IGSF10: variants seen among roughly 807,000 people sequenced by gnomAD.
IGSF10 encodes the protein calvaria mechanical force protein 608.
Under a neutral mutation model 128.2 loss-of-function variants are expected in IGSF10, and 126 were observed. The ratio of observed to expected loss-of-function variants is 0.98; its 90% CI spans 0.85 to 1.14. The LOEUF (loss-of-function observed/expected upper bound fraction) is 1.14, where lower values mean the gene tolerates loss of function less well. IGSF10 is among the 50% of genes most tolerant of loss of function. The pLI is 0.00. For missense variants in IGSF10, 3,295 were observed against 3,149.8 expected (o/e 1.05, Z -1.10); for synonymous variants, 1,185 against 1,146.2 (o/e 1.03, Z -0.68).
the IGSF10 span, among the ~76,000 whole-genome samples, chr3:151,571,853 G>A: frequency 1.3e-5 from 2 of 152,124 alleles, no homozygotes; most frequent in African/African-American, 2.4e-5. Flanking sequence ...TATTGGCTGT[G>A]GGTTTGTCAT....
chr3:151,529,780 C>T, the IGSF10 span, among the ~76,000 whole-genome samples: 1 of 152,144 alleles, frequency 6.6e-6, no homozygotes, highest in East Asian at 1.9e-4. Context: ...CTGAAAACTC[C>T]AAAAACTAGA....
chr3:151,448,696 A>G lies in IGSF10; in HGVS notation c.1285T>C (p.Leu429=). ...EADLRADPSW[L]MQDQISLQLN... ...TGCAAGGAAATTTGGTCTTGCATTA[A>G]CCAAGAGGGATCTGCTCTGAGATCT... is the stretch of plus-strand genomic sequence containing the variant. Residue 429 remains leucine (L), a synonymous_variant, in exon 6 of 8, where the codon TTA becomes CTA. Coordinates refer to ENST00000282466, the MANE Select transcript of IGSF10 (RefSeq NM_178822.5). The G allele has an allele frequency of 6.2e-7, 1 of 1,614,102 alleles. No homozygotes were observed. Among genetic ancestry groups the G allele is most frequent in the Middle Eastern group, 1.6e-4 (1 of 6,062 alleles).
chr3:151,562,430 G>C, the IGSF10 span, among the ~76,000 whole-genome samples: 1 of 152,014 alleles, frequency 6.6e-6, no homozygotes, highest in Admixed American at 6.6e-5. Context: ...TAATAAACTT[G>C]CTTTCACTTA....
intron 7 of IGSF10, among the ~76,000 whole-genome samples, chr3:151,441,856 T>A (rs928116174): frequency 5.9e-5 from 9 of 152,110 alleles, no homozygotes; most frequent in Non-Finnish European, 1.0e-4. Context: ...GGTCAGGAGA[T>A]CAAGACCATC....
the IGSF10 span, among the ~76,000 whole-genome samples, chr3:151,482,295 TC>T: frequency 6.6e-6 from 1 of 152,222 alleles, no homozygotes; most frequent in Admixed American, 6.5e-5. Flanking sequence ...AATAGACAGT[TC>T]AATGAAACCA....
the IGSF10 span, among the ~76,000 whole-genome samples, chr3:151,562,117 T>C: frequency 5.3e-5 from 8 of 151,978 alleles, no homozygotes; most frequent in African/African-American, 1.9e-4. Flanking sequence ...AAGATACAAG[T>C]CATAAAGACC....
At chr3:151,515,009 C>A in the IGSF10 span, among the ~76,000 whole-genome samples, 1 of 152,158 alleles carries the variant, frequency 6.6e-6, no homozygotes, top group Non-Finnish European at 1.5e-5. Context: ...AACACTTTTA[C>A]ACTGTTGGTG....
chr3:151,565,307 A>T, the IGSF10 span, among the ~76,000 whole-genome samples: 1 of 152,200 alleles, frequency 6.6e-6, no homozygotes, highest in African/African-American at 2.4e-5. Context: ...TTATAGGCCC[A>T]GAAACCATAT....
At chr3:151,505,544 G>T in the IGSF10 span, among the ~76,000 whole-genome samples, 5 of 152,154 alleles carry the variant, frequency 3.3e-5, no homozygotes, top group African/African-American at 1.2e-4. Context: ...GGGATCCTTA[G>T]TTCCCCGAGA....
chr3:151,556,861 G>A, the IGSF10 span, among the ~76,000 whole-genome samples: 2 of 152,102 alleles, frequency 1.3e-5, no homozygotes, highest in South Asian at 2.1e-4. Context: ...CTGACCATTC[G>A]TTCTGTCTAT....
downstream of IGSF10, chr3:151,432,652 G>C (rs3732772): frequency 7.7e-4 from 656 of 857,092 alleles, 7 homozygotes; most frequent in East Asian, 0.016. Context: ...CTGTTTCCCT[G>C]TACCTGCAGC....
the IGSF10 span, among the ~76,000 whole-genome samples, chr3:151,551,736 A>G: frequency 6.6e-6 from 1 of 151,860 alleles, no homozygotes; most frequent in African/African-American, 2.4e-5. Flanking sequence ...TCAATTTTTC[A>G]TTAAAATATT....
chr3:151,515,930 T>C, the IGSF10 span, among the ~76,000 whole-genome samples: 1 of 151,942 alleles, frequency 6.6e-6, no homozygotes, highest in South Asian at 2.1e-4. Flanking sequence ...GTTTCATGGT[T>C]ATATAAAAGC....
chr3:151,516,562 A>G, the IGSF10 span, among the ~76,000 whole-genome samples: 81 of 152,178 alleles, frequency 5.3e-4, no homozygotes, highest in African/African-American at 1.9e-3. Context: ...ATCAGTCAGA[A>G]GCAGAACATT....
At chr3:151,558,008 A>ATATATATAATATATATAT in the IGSF10 span, among the ~76,000 whole-genome samples, 69 of 37,684 alleles carry the variant, frequency 1.8e-3, 2 homozygotes, top group South Asian at 2.3e-3. Flanking sequence ...TATATATAAT[A>ATATATATAATATATATAT]TATATATATA....
rs374139816 is a variant in IGSF10, at chr3:151,448,714, T to C, written c.1267A>G (p.Arg423Gly). Residue 423 changes from arginine (R) to glycine (G), a missense_variant, in exon 6 of 8, where the codon AGA becomes GGA. Arg to Gly is a moderately radical substitution (Grantham distance 125). Transcript: ENST00000282466. ...DIFTNIEADLRADPSWLMQDQ... is the reference protein window; with the variant it reads ...DIFTNIEADLGADPSWLMQDQ... ...TGCATTAACCAAGAGGGATCTGCTC[T>C]GAGATCTGCCTCTATGTTGGTAAAA... 2.1e-5 allele frequency: 34 copies of C among 1,612,980 alleles called. No homozygotes were observed. Among genetic ancestry groups the C allele is most frequent in the African/African-American group, 4.0e-5 (3 of 74,900 alleles).
the IGSF10 span, among the ~76,000 whole-genome samples, chr3:151,498,878 G>C: frequency 6.6e-6 from 1 of 151,948 alleles, no homozygotes; most frequent in Non-Finnish European, 1.5e-5. Context: ...TCAAAGTTTC[G>C]CTCAATACAG....
At chr3:151,601,929 A>C in the IGSF10 span, among the ~76,000 whole-genome samples, 1 of 152,182 alleles carries the variant, frequency 6.6e-6, no homozygotes, top group South Asian at 2.1e-4. Flanking sequence ...AAGGCTACCA[A>C]ATGTCCTCAC....
At chr3:151,520,710 T>C in the IGSF10 span, among the ~76,000 whole-genome samples, 1 of 151,864 alleles carries the variant, frequency 6.6e-6, no homozygotes, top group Admixed American at 6.6e-5. Context: ...CACACCTACT[T>C]ACAAGAGATC....
Sources: allele counts gnomAD v4.1 joint callset (sites outside exome capture counted in the v4.1 genomes callset), GRCh38; gene constraint gnomAD v4.1.1; transcripts MANE v1.5; gene names NCBI Gene and HGNC (gene_info 2026-07-23, HGNC 2026-07-21).